INPP4B: variants seen among roughly 807,000 people sequenced by gnomAD.
INPP4B encodes the protein inositol polyphosphate 4-phosphatase type II.
Under a neutral mutation model 122.5 loss-of-function variants are expected in INPP4B, and 55 were observed. The observed-to-expected ratio is 0.45, with a 90% confidence interval of 0.36 to 0.56. The LOEUF is 0.56. INPP4B is among the 20% of genes least tolerant of loss of function. The probability of loss-of-function intolerance (pLI) is 0.00; values close to 1 mark genes in which losing one functional copy is unlikely to be tolerated. For missense variants in INPP4B, 1,000 were observed against 1,097.7 expected (o/e 0.91, Z 1.26); for synonymous variants, 403 against 388.7 (o/e 1.04, Z -0.43).
chr4:142,469,540 T>C (rs919773086), intron 2 of INPP4B, among the ~76,000 whole-genome samples: 9 of 152,090 alleles, frequency 5.9e-5, no homozygotes, highest in Admixed American at 4.6e-4. Context: ...TTCTAGATCA[T>C]AAAGAATATT....
At chr4:142,833,967 T>C (rs1782481904) in intron 1 of INPP4B, among the ~76,000 whole-genome samples, 1 of 152,166 alleles carries the variant, frequency 6.6e-6, no homozygotes, top group African/African-American at 2.4e-5. Context: ...ATCATGGGAA[T>C]CTGGGTAGTG....
At chr4:142,327,381 A>AC (rs773289919) in intron 7 of INPP4B, among the ~76,000 whole-genome samples, 1 of 151,672 alleles carries the variant, frequency 6.6e-6, no homozygotes, top group Non-Finnish European at 1.5e-5. Flanking sequence ...AGATCACCAA[A>AC]CCCCCCATAC....
At chr4:142,818,239 T>A (rs1033303710) in intron 1 of INPP4B, among the ~76,000 whole-genome samples, 1 of 152,174 alleles carries the variant, frequency 6.6e-6, no homozygotes, top group Non-Finnish European at 1.5e-5. Flanking sequence ...TGGCCAGTTT[T>A]TCATTTCCTC....
At chr4:142,185,426 A>G (rs529769645) in intron 15 of INPP4B, among the ~76,000 whole-genome samples, 1 of 151,120 alleles carries the variant, frequency 6.6e-6, no homozygotes, top group African/African-American at 2.4e-5. Flanking sequence ...ATATCTCATC[A>G]GCCATACTTC....
chr4:142,820,478 G>A (rs1780669632), intron 1 of INPP4B, among the ~76,000 whole-genome samples: 1 of 152,004 alleles, frequency 6.6e-6, no homozygotes. Flanking sequence ...GCAGATGCTG[G>A]CACCATGCTT....
chr4:142,668,330 T>G (rs1337263593), intron 2 of INPP4B, among the ~76,000 whole-genome samples: 1 of 152,002 alleles, frequency 6.6e-6, no homozygotes, highest in Non-Finnish European at 1.5e-5. Flanking sequence ...ACAAACAAAT[T>G]AGGTATAAAA....
intron 2 of INPP4B, among the ~76,000 whole-genome samples, chr4:142,703,276 T>C (rs1415869706): frequency 6.6e-6 from 1 of 152,218 alleles, no homozygotes; most frequent in Non-Finnish European, 1.5e-5. Flanking sequence ...CAAGTATGTA[T>C]TTGAAATCTC....
At position 142,585,635 on chromosome 4, in the gene INPP4B, T is replaced by A. The variant is rs1735995824; in HGVS notation, c.-190-122909A>T. On this transcript the variant is annotated intron_variant, in intron 2 of 25. Transcript: ENST00000262992. ...GGAAGTCCAGCATGTGCCCCTCCTC[T>A]TGCTTCGCTCTCAGGAAAAGTTCCA... Among the ~76,000 whole-genome samples the A allele has an allele frequency of 2.6e-5, 4 of 152,096 alleles. No individual in the cohort carries two copies. In the South Asian group the frequency reaches 8.3e-4, roughly 31 times the overall value.
chr4:142,779,476 A>G (rs1420219502), intron 1 of INPP4B, among the ~76,000 whole-genome samples: 5 of 152,132 alleles, frequency 3.3e-5, no homozygotes, highest in Non-Finnish European at 7.4e-5. Flanking sequence ...CACATTAGTG[A>G]TACATGTACT....
chr4:142,087,523 A>G (rs1777444165), intron 23 of INPP4B, among the ~76,000 whole-genome samples: 1 of 152,214 alleles, frequency 6.6e-6, no homozygotes, highest in African/African-American at 2.4e-5. Context: ...TATAGTATGA[A>G]AATACACTCT....
At chr4:142,320,500 G>A (rs766715) in intron 7 of INPP4B, among the ~76,000 whole-genome samples, 1,571 of 152,140 alleles carry the variant, frequency 0.01, 24 homozygotes, top group African/African-American at 0.035. Context: ...TAGATCCTCC[G>A]TTCTTTTTAA....
intron 15 of INPP4B, among the ~76,000 whole-genome samples, chr4:142,174,515 A>G (rs1430896739): frequency 6.6e-6 from 1 of 152,162 alleles, no homozygotes; most frequent in African/African-American, 2.4e-5. Flanking sequence ...AAAGGACATT[A>G]GTAGCAGAAT....
intron 14 of INPP4B, among the ~76,000 whole-genome samples, chr4:142,203,041 C>T (rs1421429987): frequency 2.0e-5 from 3 of 152,090 alleles, no homozygotes; most frequent in South Asian, 2.1e-4. Flanking sequence ...GTCTCTGAAT[C>T]CCCAAAGAGA....
chr4:142,234,030 G>A (rs1307714426), intron 12 of INPP4B, among the ~76,000 whole-genome samples: 1 of 152,092 alleles, frequency 6.6e-6, no homozygotes, highest in Non-Finnish European at 1.5e-5. Flanking sequence ...AGCAGATACT[G>A]TTCCACTGGG....
intron 20 of INPP4B, 29 bp from the exon 21 acceptor site, chr4:142,122,274 A>G: frequency 6.6e-7 from 1 of 1,503,902 alleles, no homozygotes; most frequent in Non-Finnish European, 9.2e-7. Flanking sequence ...ACTTAGCTAC[A>G]AACAAACATT....
At chr4:142,835,713 A>T (rs1196426656) in intron 1 of INPP4B, among the ~76,000 whole-genome samples, 1 of 152,222 alleles carries the variant, frequency 6.6e-6, no homozygotes, top group African/African-American at 2.4e-5. Flanking sequence ...ATTTTGGATA[A>T]TGTTATGACA....
At chr4:142,337,674 TTA>T (rs950762837) in intron 7 of INPP4B, among the ~76,000 whole-genome samples, 16 of 137,596 alleles carry the variant, frequency 1.2e-4, no homozygotes, top group African/African-American at 3.5e-4. Context: ...CCTTTATTCA[TTA>T]TATATATATT....
chr4:142,699,130 G>A (rs1456809871), intron 2 of INPP4B, among the ~76,000 whole-genome samples: 9 of 152,100 alleles, frequency 5.9e-5, no homozygotes, highest in Non-Finnish European at 1.2e-4. Flanking sequence ...AACTTTCTCT[G>A]GTTTAGCTTC....
In INPP4B at chr4:142,498,124, C is replaced by CGT. The variant is rs1262542356; in HGVS notation, c.-190-35399_-190-35398insAC. On this transcript the variant is annotated intron_variant, in intron 2 of 25. Transcript: ENST00000262992. ...GTGTGTGTGTGTATATATATATACACACACACATATATGTATACATACATA... is the reference window on the plus strand; with the variant it reads ...GTGTGTGTGTGTATATATATATACACGTACACACATATATGTATACATACATA... 6.7e-3 allele frequency among the ~76,000 whole-genome samples: 1,003 copies of CGT among 150,178 alleles called. 13 individuals carry two copies. The highest frequency in any genetic ancestry group is 0.023 in the African/African-American group (953 of 40,704).
Sources: allele counts gnomAD v4.1 joint callset (sites outside exome capture counted in the v4.1 genomes callset), GRCh38; gene constraint gnomAD v4.1.1; transcripts MANE v1.5; gene names NCBI Gene and HGNC (gene_info 2026-07-23, HGNC 2026-07-21).